Variants in GNB1 observed in about 807,000 individuals in gnomAD.
GNB1 encodes G protein subunit beta 1.
A neutral mutation model predicts 42.9 loss-of-function variants in GNB1; 2 were observed. The observed-to-expected ratio is 0.05, with a 90% CI of 0.02 to 0.15. The LOEUF (loss-of-function observed/expected upper bound fraction) is 0.15. GNB1 is among the 10% of genes least tolerant of loss of function. GNB1 has a pLI of 1.00. For synonymous variants in GNB1, 183 were observed against 174.7 expected, an observed-to-expected ratio of 1.05 and a Z score of -0.38; for missense variants, 193 against 462.2, an observed-to-expected ratio of 0.42 and a Z score of 5.34.
chr1:1,823,553 G>A (rs1023926724), intron 3 of GNB1, among the ~76,000 whole-genome samples: 1 of 151,808 alleles, frequency 6.6e-6, no homozygotes, highest in Non-Finnish European at 1.5e-5. Context: ...TTGGTGGAGG[G>A]GACATGTTAA....
intron 1 of GNB1, among the ~76,000 whole-genome samples, chr1:1,875,845 C>G (rs968460258): frequency 1.3e-4 from 19 of 151,954 alleles, no homozygotes; most frequent in South Asian, 8.3e-4. Flanking sequence ...TGTCCCCCCC[C>G]CCAAAATTCA....
intron 1 of GNB1, among the ~76,000 whole-genome samples, chr1:1,865,278 A>ACAAAAAAAAACCAAAAAAAAAC (rs1175504345): frequency 1.6e-5 from 2 of 127,354 alleles, no homozygotes; most frequent in Non-Finnish European, 3.2e-5. Context: ...CAAAAAAAAA[A>ACAAAAAAAAACCAAAAAAAAAC]CAAAAAAAAA....
At chr1:1,823,018 G>A (rs143711165) in intron 3 of GNB1, among the ~76,000 whole-genome samples, 1,812 of 151,952 alleles carry the variant, frequency 0.012, 45 homozygotes, top group African/African-American at 0.042. Flanking sequence ...CGAGGTGGGC[G>A]GATCACGAGG....
intron 2 of GNB1, among the ~76,000 whole-genome samples, chr1:1,833,466 C>T (rs951175985): frequency 1.3e-5 from 2 of 152,126 alleles, no homozygotes; most frequent in Non-Finnish European, 2.9e-5. Context: ...AGGGGACCAC[C>T]GCAACTGATA....
At chr1:1,845,275 T>C in intron 1 of GNB1, among the ~76,000 whole-genome samples, 1 of 152,188 alleles carries the variant, frequency 6.6e-6, no homozygotes, top group Non-Finnish European at 1.5e-5. Context: ...ATTGGTGGCA[T>C]AATAATGCTT....
rs1415269935 is a variant in GNB1 at position 1,786,901 on chromosome 1, G to C, written c.*162C>G. On this transcript the variant is annotated 3_prime_UTR_variant, in exon 12 of 12. Transcript: ENST00000378609. Reference sequence around the variant, plus strand: ...TCTCTCAATGGGAATTGTGCTCTTGGTTTCAGCAATAAGTGAAGGAAAAAA... The same window carrying C: ...TCTCTCAATGGGAATTGTGCTCTTGCTTTCAGCAATAAGTGAAGGAAAAAA... 1 of 153,052 alleles carries C rather than the reference G, an allele frequency of 6.5e-6. No individual in the cohort carries two copies. Among genetic ancestry groups the C allele is most frequent in the Non-Finnish European group, 1.5e-5 (1 of 68,356 alleles). The allele number at this position is 153,052 out of a possible 1,614,324, so 9.5% of individuals were successfully genotyped here. A position where few individuals can be genotyped will look rare whatever the true frequency, so the allele number is the denominator to read the frequency against.
intron 1 of GNB1, among the ~76,000 whole-genome samples, chr1:1,851,404 C>T (rs1256595119): frequency 7.4e-6 from 1 of 135,072 alleles, no homozygotes; most frequent in African/African-American, 2.6e-5. Context: ...GAGTAAAACT[C>T]CATCTCAAAG....
At chr1:1,850,199 T>G (rs1338597280) in intron 1 of GNB1, among the ~76,000 whole-genome samples, 1 of 151,724 alleles carries the variant, frequency 6.6e-6, no homozygotes. Context: ...GGCGGGATCT[T>G]GGCTCACCAC....
chr1:1,882,302 C>G (rs1040190017), intron 1 of GNB1, among the ~76,000 whole-genome samples: 1 of 152,018 alleles, frequency 6.6e-6, no homozygotes, highest in South Asian at 2.1e-4. Context: ...GCGGCATGCA[C>G]CTGTAATCCC....
intron 1 of GNB1, among the ~76,000 whole-genome samples, chr1:1,855,703 C>CAA (rs1040598363): frequency 1.1e-4 from 14 of 129,452 alleles, no homozygotes; most frequent in Non-Finnish European, 9.9e-5. Flanking sequence ...GACTCCGTCT[C>CAA]AAAAAAAAAA....
In GNB1 at chr1:1,790,428, G is replaced by A. The variant is rs2100502987; in HGVS notation, c.666C>T (p.Phe222=). ...CATTGATGTCAGACTCGTGGCCAGT[G>A]AAGGTCTGCCGGCACATGCCTTCTC... The part of the protein sequence containing the change: ...DVREGMCRQT[F]TGHESDINAI... Residue 222 remains phenylalanine (F), a synonymous_variant, in exon 9 of 12, where the codon TTC becomes TTT. Transcript: ENST00000378609. This position sits in a 1 kb window ranked among gnomAD's most constrained non-coding sequence, Gnocchi z 5.4. 2 of 1,613,990 alleles carry A rather than the reference G, an allele frequency of 1.2e-6. No individual in the cohort carries two copies. The highest frequency in any genetic ancestry group is 1.7e-6 in the Non-Finnish European group (2 of 1,179,854).
intron 1 of GNB1, among the ~76,000 whole-genome samples, chr1:1,853,680 A>C (rs1037550837): frequency 6.6e-6 from 1 of 152,186 alleles, no homozygotes; most frequent in Non-Finnish European, 1.5e-5. Context: ...TAGAAAGAGA[A>C]CTGGAAACAG....
At chr1:1,855,420 G>A (rs748386958) in intron 1 of GNB1, among the ~76,000 whole-genome samples, 13 of 151,384 alleles carry the variant, frequency 8.6e-5, no homozygotes, top group African/African-American at 2.7e-4. Context: ...AATAACTCCC[G>A]GCCGGGCGCG....
At chr1:1,884,256 T>C (rs1424588727) in intron 1 of GNB1, among the ~76,000 whole-genome samples, 3 of 152,014 alleles carry the variant, frequency 2.0e-5, no homozygotes, top group Non-Finnish European at 4.4e-5. Context: ...TGCATCACCA[T>C]GCCTGGGTAA....
chr1:1,796,593 G>T (rs546764163), intron 7 of GNB1, among the ~76,000 whole-genome samples: 5 of 152,290 alleles, frequency 3.3e-5, no homozygotes, highest in South Asian at 2.1e-4. Context: ...GGGTATGTGT[G>T]GGGGGACACT....
At position 1,869,185 on chromosome 1, in the gene GNB1, C is replaced by CAA. The variant is rs71578347; in HGVS notation, c.-96+21633_-96+21634dup. Reference sequence around the variant, plus strand: ...TGGGCAACAGAGCAAGACACCTTCTCAAAAAAAAAAAAAAAAAAAAAAAAA... The same window carrying CAA: ...TGGGCAACAGAGCAAGACACCTTCTCAAAAAAAAAAAAAAAAAAAAAAAAAAA... On this transcript the variant is annotated intron_variant, in intron 1 of 11. Coordinates refer to ENST00000378609, the MANE Select transcript of GNB1 (RefSeq NM_002074.5). Among the ~76,000 whole-genome samples the CAA allele has an allele frequency of 8.5e-3, 226 of 26,698 alleles. 13 individuals carry two copies. The highest frequency in any genetic ancestry group is 0.013 in the African/African-American group (103 of 7,774). 17.5% of individuals were successfully genotyped at this position (26,698 alleles called of 152,430 possible). A position where few individuals can be genotyped will look rare whatever the true frequency, so the allele number is the denominator to read the frequency against.
chr1:1,793,407 C>A, intron 7 of GNB1, 96 bp from the exon 8 acceptor site: 1 of 761,260 alleles, frequency 1.3e-6, no homozygotes. Context: ...GGAAGCTCTA[C>A]GTCTAAGGTA....
At chr1:1,880,720 G>C (rs1365518430) in intron 1 of GNB1, among the ~76,000 whole-genome samples, 1 of 152,120 alleles carries the variant, frequency 6.6e-6, no homozygotes, top group Non-Finnish European at 1.5e-5. Flanking sequence ...TGCTCCCCAA[G>C]ACTTCAATCA....
intron 2 of GNB1, among the ~76,000 whole-genome samples, chr1:1,829,717 G>A (rs561851262): frequency 6.6e-6 from 1 of 152,134 alleles, no homozygotes; most frequent in African/African-American, 2.4e-5. Context: ...AAGGACAAAC[G>A]CCAATGCCAG....
Sources: allele counts gnomAD v4.1 joint callset (sites outside exome capture counted in the v4.1 genomes callset), GRCh38; gene constraint gnomAD v4.1.1; non-coding constraint Gnocchi (gnomAD v3.1); transcripts MANE v1.5; gene names NCBI Gene and HGNC (gene_info 2026-07-23, HGNC 2026-07-21).